The following PCDHGB3 variants were observed in gnomAD, a reference collection of about 807,000 sequenced individuals.
PCDHGB3 encodes the protein protocadherin gamma subfamily B, 3, also known as protocadherin gamma-B3.
PCDHGB3 carries 40 observed loss-of-function variants against 59.2 expected under a neutral mutation model. The observed-to-expected ratio is 0.68, with a 90% CI of 0.52 to 0.88. The LOEUF is 0.88. PCDHGB3 is among the 40% of genes least tolerant of loss of function. PCDHGB3 has a pLI of 0.00. For missense variants in PCDHGB3, 1,309 were observed against 1,187.9 expected (o/e 1.10, Z -1.50); for synonymous variants, 581 against 503.6 (o/e 1.15, Z -2.06).
intron 1 of PCDHGB3, chr5:141,415,523 T>G (rs1245542927): frequency 1.9e-6 from 3 of 1,614,196 alleles, no homozygotes; most frequent in Non-Finnish European, 2.5e-6. Context: ...GCGGACACGC[T>G]CATCAGCCAG....
At chr5:141,450,653 A>AT (rs2098689237) in intron 1 of PCDHGB3, among the ~76,000 whole-genome samples, 1 of 151,192 alleles carries the variant, frequency 6.6e-6, no homozygotes, top group Non-Finnish European at 1.5e-5. Context: ...TGCCTGGCTA[A>AT]TTTTTGTACT....
At chr5:141,426,174 G>A (rs1213063298) in intron 1 of PCDHGB3, 1 of 155,354 alleles carries the variant, frequency 6.4e-6, no homozygotes, top group Non-Finnish European at 1.4e-5. Flanking sequence ...ACGGATTGGG[G>A]TGCCCTCAAA....
chr5:141,464,328 C>T (rs2099081878), intron 1 of PCDHGB3, among the ~76,000 whole-genome samples: 1 of 150,722 alleles, frequency 6.6e-6, no homozygotes, highest in Admixed American at 6.6e-5. Context: ...CTGTTCAACC[C>T]ATCTATGACT....
At position 141,431,510 on chromosome 5, in the gene PCDHGB3, G is replaced by T; in HGVS notation, c.2415+58701G>T. On this transcript the variant is annotated intron_variant, in intron 1 of 3. Transcript: ENST00000576222. The surrounding 1 kb of genome is among the most constrained non-coding windows in gnomAD (Gnocchi z 4.8). ...TGCTCAGCCCGAGTACCGCGCGAGC[G>T]TTCCGGAGAATCTGGCCTTGGGCAC... 1 of 1,614,022 alleles carries T rather than the reference G, an allele frequency of 6.2e-7. No individual in the cohort carries two copies. Among genetic ancestry groups the T allele is most frequent in the Non-Finnish European group, 8.5e-7 (1 of 1,180,026 alleles).
intron 1 of PCDHGB3, chr5:141,478,760 C>T (rs1472984737): frequency 1.5e-5 from 23 of 1,510,888 alleles, no homozygotes; most frequent in Non-Finnish European, 1.9e-5. Context: ...GGGGAAGATA[C>T]TTGACTCATC....
chr5:141,507,796 G>GGGAA (rs2099863457), intron 3 of PCDHGB3, among the ~76,000 whole-genome samples: 1 of 152,220 alleles, frequency 6.6e-6, no homozygotes, highest in Admixed American at 6.5e-5. Flanking sequence ...GTCTAAGCCT[G>GGGAA]CGCCCTGGGG....
chr5:141,490,497 C>G lies in PCDHGB3; in HGVS notation c.2416-4310C>G. The stretch of plus-strand genomic sequence containing the variant: ...CTTTGGACCGGGAGGCCACATCCCA[C>G]TATATCATCGAGCTGCTGGCCAGCG... On this transcript the variant is annotated intron_variant, in intron 1 of 3. Transcript: ENST00000576222. The surrounding 1 kb of genome is among the most constrained non-coding windows in gnomAD (Gnocchi z 5.4). 6.2e-7 allele frequency: 1 copy of G among 1,614,196 alleles called. No individual in the cohort carries two copies. Among genetic ancestry groups the G allele is most frequent in the South Asian group, 1.1e-5 (1 of 91,084 alleles).
chr5:141,384,089 C>T, intron 1 of PCDHGB3: 1 of 1,596,318 alleles, frequency 6.3e-7, no homozygotes, highest in South Asian at 1.1e-5. Context: ...TTAGAAAAAT[C>T]AATAGATAAT....
At chr5:141,401,726 A>T (rs943909540) in intron 1 of PCDHGB3, among the ~76,000 whole-genome samples, 1 of 152,186 alleles carries the variant, frequency 6.6e-6, no homozygotes, top group African/African-American at 2.4e-5. Context: ...AAAAACTACT[A>T]GTCTTGTGTA....
chr5:141,463,874 G>T (rs1311566242), intron 1 of PCDHGB3, among the ~76,000 whole-genome samples: 1 of 152,136 alleles, frequency 6.6e-6, no homozygotes, highest in Non-Finnish European at 1.5e-5. Flanking sequence ...TGACTGAAAG[G>T]AAAAGTTTTC....
chr5:141,427,807 A>T (rs1443881781), intron 1 of PCDHGB3: 2 of 1,521,932 alleles, frequency 1.3e-6, no homozygotes, highest in East Asian at 2.3e-5. Flanking sequence ...GTGAGCGCAC[A>T]GAGCGGGGTG....
In PCDHGB3 at chr5:141,372,230, C is replaced by A. The variant is rs781407090; in HGVS notation, c.1836C>A (p.Ser612Arg). The change falls in exon 1 of 4, where the codon AGC (serine) becomes AGA (arginine). Residue 612 changes from serine (S) to arginine (R), a missense_variant. Transcript: ENST00000576222. ...TGTCCTACCACATTGTGCAGGCCAG[C>A]GAGCCCGGGCTGTTCAGCCTGGGCC... ...AWLSYHIVQASEPGLFSLGLR... is the reference protein window; with the variant it reads ...AWLSYHIVQAREPGLFSLGLR... The A allele has an allele frequency of 6.2e-7, 1 of 1,613,346 alleles. No individual in the cohort carries two copies. The highest frequency in any genetic ancestry group is 8.5e-7 in the Non-Finnish European group (1 of 1,179,826).
chr5:141,439,531 G>T (rs1474855779), intron 1 of PCDHGB3, among the ~76,000 whole-genome samples: 1 of 152,126 alleles, frequency 6.6e-6, no homozygotes, highest in Non-Finnish European at 1.5e-5. Context: ...TCTACAGAAC[G>T]CTGTCCTCTC....
At chr5:141,376,676 G>GTTTTGTT in intron 1 of PCDHGB3, 5 of 306,022 alleles carry the variant, frequency 1.6e-5, no homozygotes, top group Non-Finnish European at 1.1e-5. Flanking sequence ...TGAGGGTATC[G>GTTTTGTT]TTTTTTTTTT....
chr5:141,394,592 G>C (rs754585576), intron 1 of PCDHGB3: 84 of 1,613,642 alleles, frequency 5.2e-5, no homozygotes, highest in South Asian at 3.7e-4. Context: ...AGGTGGTGGC[G>C]GTGGACAGAG....
chr5:141,421,058 A>G, intron 1 of PCDHGB3: 2 of 577,316 alleles, frequency 3.5e-6, no homozygotes, highest in Non-Finnish European at 3.0e-6. Context: ...TCTACCACAC[A>G]AAGCGGAATG....
intron 1 of PCDHGB3, chr5:141,426,860 A>T (rs771106873): frequency 2.6e-5 from 12 of 456,702 alleles, no homozygotes; most frequent in Admixed American, 2.3e-4. Flanking sequence ...CTCCAGAATT[A>T]GTGCTGGAGA....
intron 1 of PCDHGB3, chr5:141,398,414 G>A (rs373274513): frequency 1.2e-4 from 186 of 1,488,072 alleles, no homozygotes; most frequent in Non-Finnish European, 1.6e-4. Context: ...GAGGAGATAT[G>A]CGGGAAGAAG....
At chr5:141,395,079 G>C in intron 1 of PCDHGB3, 1 of 1,614,142 alleles carries the variant, frequency 6.2e-7, no homozygotes, top group Non-Finnish European at 8.5e-7. Flanking sequence ...CTATTCCCAG[G>C]AAGTCTCCCT....
Sources: gnomAD v4.1 joint callset for allele counts (sites outside exome capture counted in the v4.1 genomes callset) on GRCh38, gnomAD v4.1.1 for gene constraint, Gnocchi (gnomAD v3.1) non-coding constraint, MANE v1.5 for transcripts, NCBI Gene and HGNC (gene_info 2026-07-23, HGNC 2026-07-21) for gene names.